THSD7A: variants seen among roughly 807,000 people sequenced by gnomAD.
The protein encoded by THSD7A is thrombospondin type 1 domain containing 7A.
Under a neutral mutation model 231.3 loss-of-function variants are expected in THSD7A, and 96 were observed. That is an observed-to-expected ratio of 0.41 (90% CI 0.35 to 0.49). The LOEUF is 0.49. Among genes scored for constraint, THSD7A ranks in the 20% least tolerant of loss-of-function variants. The pLI is 0.05. For missense variants in THSD7A, 2,290 were observed against 2,070.2 expected, an observed-to-expected ratio of 1.11 and a Z score of -2.06; for synonymous variants, 940 against 743.3, an observed-to-expected ratio of 1.26 and a Z score of -4.30.
intron 13 of THSD7A, among the ~76,000 whole-genome samples, chr7:11,438,833 T>C (rs1459414478): frequency 6.6e-6 from 1 of 151,992 alleles, no homozygotes; most frequent in Non-Finnish European, 1.5e-5. Flanking sequence ...AACATAATAT[T>C]GTATTTTGTT....
At chr7:11,666,578 T>G (rs1250301814) in intron 1 of THSD7A, among the ~76,000 whole-genome samples, 1 of 152,030 alleles carries the variant, frequency 6.6e-6, no homozygotes, top group Non-Finnish European at 1.5e-5. Flanking sequence ...CCACCAACAT[T>G]TAATTTAATA....
chr7:11,577,282 A>G (rs1790954987), intron 4 of THSD7A, among the ~76,000 whole-genome samples: 2 of 146,170 alleles, frequency 1.4e-5, no homozygotes, highest in African/African-American at 5.0e-5. Context: ...CTGAGCACAT[A>G]TAAAACAATA....
intron 1 of THSD7A, among the ~76,000 whole-genome samples, chr7:11,722,307 T>G (rs551503816): frequency 3.7e-4 from 56 of 152,052 alleles, no homozygotes; most frequent in Middle Eastern, 3.4e-3. Flanking sequence ...GGGTGAATAC[T>G]GCTAAGATGT....
At chr7:11,392,531 G>C (rs757401596) in intron 23 of THSD7A, among the ~76,000 whole-genome samples, 2 of 152,004 alleles carry the variant, frequency 1.3e-5, no homozygotes, top group Non-Finnish European at 2.9e-5. Flanking sequence ...CAGCAGGACC[G>C]AACTATTCAC....
intron 1 of THSD7A, among the ~76,000 whole-genome samples, chr7:11,723,113 T>C (rs575366090): frequency 3.9e-5 from 6 of 151,978 alleles, no homozygotes; most frequent in Non-Finnish European, 8.8e-5. Flanking sequence ...TTAAGAAATG[T>C]GGCACATATA....
intron 1 of THSD7A, among the ~76,000 whole-genome samples, chr7:11,782,759 G>A (rs10279412): frequency 0.24 from 36,391 of 151,980 alleles, 4,488 homozygotes; most frequent in East Asian, 0.32. Flanking sequence ...CTGTGGCACC[G>A]TTGGCTATAG....
At chr7:11,478,690 T>C (rs1178609493) in intron 7 of THSD7A, among the ~76,000 whole-genome samples, 2 of 152,164 alleles carry the variant, frequency 1.3e-5, no homozygotes, top group African/African-American at 4.8e-5. Flanking sequence ...CTGTCATTCA[T>C]TTAAGAGGAA....
At chr7:11,607,121 C>T (rs1348666607) in intron 2 of THSD7A, among the ~76,000 whole-genome samples, 2 of 152,052 alleles carry the variant, frequency 1.3e-5, no homozygotes, top group African/African-American at 4.8e-5. Context: ...GTAGTCCCAA[C>T]TCTTATGCTT....
intron 6 of THSD7A, among the ~76,000 whole-genome samples, chr7:11,529,177 C>G (rs1202354453): frequency 6.6e-6 from 1 of 152,092 alleles, no homozygotes; most frequent in African/African-American, 2.4e-5. Context: ...TAATCTTGTT[C>G]TATTCAAAAG....
At chr7:11,568,019 G>A (rs1220542026) in intron 4 of THSD7A, among the ~76,000 whole-genome samples, 1 of 151,888 alleles carries the variant, frequency 6.6e-6, no homozygotes, top group Non-Finnish European at 1.5e-5. Flanking sequence ...TTATGTTTTT[G>A]TTGACTTCTA....
At chr7:11,598,411 C>T (rs1436342925) in intron 2 of THSD7A, among the ~76,000 whole-genome samples, 2 of 152,156 alleles carry the variant, frequency 1.3e-5, no homozygotes, top group African/African-American at 4.8e-5. Flanking sequence ...ACCATTCAGC[C>T]TCTTTCCCCA....
chr7:11,681,498 G>A (rs114980890), intron 1 of THSD7A, among the ~76,000 whole-genome samples: 2 of 151,978 alleles, frequency 1.3e-5, no homozygotes, highest in South Asian at 2.1e-4. Context: ...CCAAGTAGAA[G>A]AAAGAATTTC....
intron 2 of THSD7A, among the ~76,000 whole-genome samples, chr7:11,600,743 G>T (rs1447399609): frequency 6.6e-6 from 1 of 152,152 alleles, no homozygotes; most frequent in African/African-American, 2.4e-5. Flanking sequence ...ATTTAACTGT[G>T]GTAATCAACC....
Position 11,378,295 on chromosome 7 carries a change from A to G in THSD7A, c.4801+775T>C, listed in dbSNP as rs551563617. 3 of 152,288 alleles carry G rather than the reference A, an allele frequency of 2.0e-5. No individual in the cohort carries two copies. The South Asian group carries it at 6.2e-4, about 32-fold the overall frequency. 9.4% of individuals were successfully genotyped at this position (152,288 alleles called of 1,614,324 possible). On this transcript the variant is annotated intron_variant, in intron 26 of 27. Coordinates refer to ENST00000423059, the MANE Select transcript of THSD7A (RefSeq NM_015204.3). ...TCCAGGTTGTGAGAAAAAGTGGCAT[A>G]TTAGCTGCTTTATAATCCATGTAGC...
At chr7:11,402,006 C>G (rs765233282) in intron 22 of THSD7A, 38 bp from the exon 23 acceptor site, 1 of 1,575,124 alleles carries the variant, frequency 6.3e-7, no homozygotes, top group South Asian at 1.2e-5. Context: ...CCCATATCCA[C>G]AGAGAAAAGC....
chr7:11,459,779 C>T (rs1322160036), intron 11 of THSD7A, among the ~76,000 whole-genome samples: 1 of 134,526 alleles, frequency 7.4e-6, no homozygotes, highest in Non-Finnish European at 1.5e-5. Flanking sequence ...ATCAAATCAG[C>T]AAAAACTGGA....
At chr7:11,753,828 C>A (rs1205325284) in intron 1 of THSD7A, among the ~76,000 whole-genome samples, 2 of 150,728 alleles carry the variant, frequency 1.3e-5, no homozygotes, top group Non-Finnish European at 3.0e-5. Flanking sequence ...CATAAATTAC[C>A]AATATTAAGA....
intron 1 of THSD7A, among the ~76,000 whole-genome samples, chr7:11,650,989 G>T (rs529904980): frequency 4.6e-5 from 7 of 152,118 alleles, no homozygotes; most frequent in African/African-American, 1.7e-4. Context: ...TAGGTGCTGT[G>T]ATAGGCAAGC....
At chr7:11,727,144 A>G (rs1781575884) in intron 1 of THSD7A, among the ~76,000 whole-genome samples, 2 of 151,996 alleles carry the variant, frequency 1.3e-5, no homozygotes, top group South Asian at 2.1e-4. Context: ...CACGGAGAAG[A>G]ATATTCTTAT....
Sources: allele counts gnomAD v4.1 joint callset (sites outside exome capture counted in the v4.1 genomes callset), GRCh38; gene constraint gnomAD v4.1.1; transcripts MANE v1.5; gene names NCBI Gene and HGNC (gene_info 2026-07-23, HGNC 2026-07-21).